Variants in PAG1 observed in about 807,000 individuals in gnomAD.
PAG1 encodes phosphoprotein membrane anchor with glycosphingolipid microdomains 1.
PAG1 carries 23 observed loss-of-function variants against 31.7 expected under a neutral mutation model. That is an observed-to-expected ratio of 0.73 (90% CI 0.52 to 1.03). The LOEUF (loss-of-function observed/expected upper bound fraction) is 1.03, where lower values mean the gene tolerates loss of function less well. Among genes scored for constraint, PAG1 ranks in the 50% least tolerant of loss-of-function variants. The pLI, the probability that PAG1 is intolerant of heterozygous loss-of-function variation, is 0.00. For synonymous variants in PAG1, 214 were observed against 210.3 expected (o/e 1.02, Z -0.15); for missense variants, 473 against 540.7 (o/e 0.87, Z 1.24).
chr8:81,009,664 G>T (rs1239894293), intron 3 of PAG1, among the ~76,000 whole-genome samples: 1 of 152,164 alleles, frequency 6.6e-6, no homozygotes, highest in Non-Finnish European at 1.5e-5. Context: ...CCTTGCTGGA[G>T]TACAGTGGTG....
At chr8:81,049,505 A>G (rs1313793672) in intron 2 of PAG1, among the ~76,000 whole-genome samples, 1 of 152,236 alleles carries the variant, frequency 6.6e-6, no homozygotes, top group African/African-American at 2.4e-5. Context: ...AAATAAATAT[A>G]GGGTTTAAAA....
chr8:81,096,171 TTAA>T (rs2131088044), intron 1 of PAG1, among the ~76,000 whole-genome samples: 2 of 152,332 alleles, frequency 1.3e-5, no homozygotes, highest in South Asian at 2.1e-4. Flanking sequence ...AAATAATTCC[TTAA>T]TAATAAAGCA....
rs1293249160 is a variant in PAG1, at chr8:80,982,253, C to A, written c.877-1759G>T. ...TTCTCTTCCTATTCTCTTTCTAATC[C>A]ATTTCAGTCATGTTTCTGCCTCTAC... On this transcript the variant is annotated intron_variant, in intron 7 of 8. Transcript: ENST00000220597. 5.3e-5 allele frequency among the ~76,000 whole-genome samples: 8 copies of A among 152,190 alleles called. No individual in the cohort carries two copies. In the South Asian group the frequency reaches 1.2e-3, roughly 24 times the overall value.
At chr8:81,032,140 CT>C (rs1164374473) in intron 2 of PAG1, among the ~76,000 whole-genome samples, 3 of 152,196 alleles carry the variant, frequency 2.0e-5, no homozygotes, top group Non-Finnish European at 1.5e-5. Flanking sequence ...AGGGCTAAAT[CT>C]TCATGAGCTC....
At chr8:81,009,042 T>C (rs114487699) in intron 3 of PAG1, among the ~76,000 whole-genome samples, 1,607 of 152,318 alleles carry the variant, frequency 0.011, 29 homozygotes, top group African/African-American at 0.037. Context: ...TGCCTTTTTG[T>C]ATAAAAGATA....
chr8:81,071,482 T>TC (rs926909769), intron 1 of PAG1, among the ~76,000 whole-genome samples: 4 of 152,190 alleles, frequency 2.6e-5, no homozygotes, highest in Admixed American at 2.0e-4. Context: ...CTGGGAAATT[T>TC]CCCCACCAGT....
intron 1 of PAG1, among the ~76,000 whole-genome samples, chr8:81,109,360 C>T (rs1479736342): frequency 6.6e-6 from 1 of 152,204 alleles, no homozygotes; most frequent in Admixed American, 6.5e-5. Context: ...ACAGTTTCAA[C>T]ACAGACAGAC....
rs554932519 is a variant in PAG1, at chr8:80,974,152, G to GTTTTTTT, written c.*2385_*2391dup. The stretch of plus-strand genomic sequence containing the variant: ...ATTATTTATGAGCTTTCTATAAAAA[G>GTTTTTTT]TTTTTTTTTTTTTTTTTTTTTTACT... On this transcript the variant is annotated 3_prime_UTR_variant, in exon 9 of 9. Coordinates refer to ENST00000220597, the MANE Select transcript of PAG1 (RefSeq NM_018440.4). The GTTTTTTT allele has an allele frequency of 1.0e-3, 117 of 115,338 alleles. No homozygotes were observed. The highest frequency in any genetic ancestry group is 1.3e-3 in the African/African-American group (40 of 30,782). The allele number at this position is 115,338 out of a possible 1,614,324, so 7.1% of individuals were successfully genotyped here. A position where few individuals can be genotyped will look rare whatever the true frequency, so the allele number is the denominator to read the frequency against.
chr8:81,006,262 T>G (rs1295515107), intron 3 of PAG1, among the ~76,000 whole-genome samples: 1 of 152,222 alleles, frequency 6.6e-6, no homozygotes, highest in African/African-American at 2.4e-5. Context: ...TATTTTTATC[T>G]TGCATCCTAA....
chr8:81,095,630 A>G (rs1809516542), intron 1 of PAG1, among the ~76,000 whole-genome samples: 1 of 152,214 alleles, frequency 6.6e-6, no homozygotes, highest in Admixed American at 6.5e-5. Context: ...TCTACTACTG[A>G]TAATCCCTTG....
intron 1 of PAG1, among the ~76,000 whole-genome samples, chr8:81,091,384 G>GT (rs1809444012): frequency 6.6e-6 from 1 of 152,134 alleles, no homozygotes. Flanking sequence ...AGAGAATCAT[G>GT]TTTCACTTAA....
At position 80,968,744 on chromosome 8, in the gene PAG1, C is replaced by CA. The variant is rs895795253; in HGVS notation, c.*7799dup. On this transcript the variant is annotated 3_prime_UTR_variant, in exon 9 of 9. Transcript: ENST00000220597. ...TCTAGTAGCCATATTATATTATCTA[C>CA]AAACCAGGTTTATTCCTGAGTTTAA... The CA allele has an allele frequency of 2.3e-4, 35 of 152,246 alleles. No individual in the cohort carries two copies. The highest frequency in any genetic ancestry group is 3.4e-3 in the Middle Eastern group (1 of 294). The allele number at this position is 152,246 out of a possible 1,614,324, so 9.4% of individuals were successfully genotyped here. A position where few individuals can be genotyped will look rare whatever the true frequency, so the allele number is the denominator to read the frequency against.
chr8:81,020,690 T>TA (rs1808149192), intron 3 of PAG1, among the ~76,000 whole-genome samples: 1 of 152,232 alleles, frequency 6.6e-6, no homozygotes, highest in East Asian at 1.9e-4. Context: ...AACAGACTAA[T>TA]ACACGTGGCA....
At chr8:81,019,985 CCTGG>C (rs1563631798) in intron 3 of PAG1, among the ~76,000 whole-genome samples, 1 of 152,098 alleles carries the variant, frequency 6.6e-6, no homozygotes, top group Admixed American at 6.5e-5. Context: ...ATCAGCATGC[CCTGG>C]ATGTGAGACA....
At chr8:81,031,171 A>G (rs1808372513) in intron 2 of PAG1, among the ~76,000 whole-genome samples, 1 of 152,212 alleles carries the variant, frequency 6.6e-6, no homozygotes, top group Non-Finnish European at 1.5e-5. Context: ...AGGTATATCT[A>G]TTGTTTCCCT....
chr8:80,992,096 C>T (rs962635549), intron 4 of PAG1, among the ~76,000 whole-genome samples: 1 of 152,216 alleles, frequency 6.6e-6, no homozygotes. Context: ...CGCCCATCCA[C>T]GTTCTCTATA....
chr8:81,102,710 T>C lies in PAG1; in HGVS notation c.-234+8881A>G, dbSNP rs76068258. Among the ~76,000 whole-genome samples the C allele has an allele frequency of 4.1e-3, 628 of 152,314 alleles. 7 individuals are homozygous for C. The highest frequency in any genetic ancestry group is 0.014 in the African/African-American group (602 of 41,586). On this transcript the variant is annotated intron_variant, in intron 1 of 8. Transcript: ENST00000220597. ...AATTAGGTAAATAAAAAATTTAGAC[T>C]ATCAGGAGCCAAAATACAAGTTGTA...
At chr8:81,052,590 A>T (rs182479566) in intron 2 of PAG1, among the ~76,000 whole-genome samples, 4 of 152,346 alleles carry the variant, frequency 2.6e-5, no homozygotes, top group Non-Finnish European at 4.4e-5. Flanking sequence ...AAGTCTACAG[A>T]TAATTAAAAT....
At position 81,065,685 on chromosome 8, in the gene PAG1, A is replaced by G. The variant is rs1586198627; in HGVS notation, c.-175+4427T>C. 2.0e-5 allele frequency among the ~76,000 whole-genome samples: 3 copies of G among 152,166 alleles called. No individual in the cohort carries two copies. In the South Asian group the frequency reaches 6.2e-4, roughly 32 times the overall value. ...CAACCATAGGGAAAAAAATCAGTTA[A>G]TGTTGAGGGAAAAGTCAGGGCATAT... On this transcript the variant is annotated intron_variant, in intron 2 of 8. Transcript: ENST00000220597.
Sources: allele counts gnomAD v4.1 joint callset (sites outside exome capture counted in the v4.1 genomes callset), GRCh38; gene constraint gnomAD v4.1.1; transcripts MANE v1.5; gene names NCBI Gene and HGNC (gene_info 2026-07-23, HGNC 2026-07-21).